Variants in LGR6 observed in about 807,000 individuals in gnomAD.
LGR6 encodes leucine-rich repeat-containing G protein-coupled receptor 6.
In LGR6, 45 loss-of-function variants were observed where a neutral mutation model predicts 69.4. That is an observed-to-expected ratio of 0.65 (90% CI 0.51 to 0.83). LGR6 has a LOEUF of 0.83. Ranked by LOEUF, LGR6 falls within the 40% of genes least tolerant of loss-of-function variation. The pLI is 0.00. For synonymous variants in LGR6, 538 were observed against 555.0 expected (o/e 0.97, Z 0.43); for missense variants, 1,108 against 1,246.7 (o/e 0.89, Z 1.68).
rs144001455 is a variant in LGR6 at position 202,217,821 on chromosome 1, C to A, written c.213-7602C>A. ...AAGAAAGGGCAAAATAAAGCAGTAG[C>A]CCTTTTATTTAAAAATACAGCATTG... On this transcript the variant is annotated intron_variant, in intron 1 of 17. Coordinates refer to ENST00000367278, the MANE Select transcript of LGR6 (RefSeq NM_001017403.2). 2.9e-4 allele frequency among the ~76,000 whole-genome samples: 44 copies of A among 152,292 alleles called. 1 individual carries two copies. The East Asian group carries it at 7.0e-3, about 24-fold the overall frequency.
chr1:202,235,930 A>G lies in LGR6; in HGVS notation c.365A>G (p.Gln122Arg). ...TTTCTCTTCTCCCGTAGGATGCTGCAGAACAATCAGCTGGGAGGAATCCCC... is the reference window on the plus strand; with the variant it reads ...TTTCTCTTCTCCCGTAGGATGCTGCGGAACAATCAGCTGGGAGGAATCCCC... ...GLYSLKILML[Q>R]NNQLGGIPAE... Residue 122 changes from glutamine to arginine, a missense_variant, in exon 4 of 18, where the codon CAG (glutamine) becomes CGG (arginine). By Grantham distance (43) the Gln-to-Arg change is conservative. Coordinates refer to ENST00000367278, the MANE Select transcript of LGR6 (RefSeq NM_001017403.2). 6.2e-7 allele frequency: 1 copy of G among 1,614,062 alleles called. No homozygotes were observed. Among genetic ancestry groups the G allele is most frequent in the Non-Finnish European group, 8.5e-7 (1 of 1,179,990 alleles).
At chr1:202,304,142 T>C (rs1300248611) in intron 10 of LGR6, among the ~76,000 whole-genome samples, 1 of 152,192 alleles carries the variant, frequency 6.6e-6, no homozygotes, top group African/African-American at 2.4e-5. Flanking sequence ...CTGTGTCCCA[T>C]GGTCCCACTA....
intron 15 of LGR6, among the ~76,000 whole-genome samples, chr1:202,309,885 A>T (rs1653575470): frequency 6.6e-6 from 1 of 152,198 alleles, no homozygotes. Flanking sequence ...AGCTTGGGGA[A>T]GCCTCTGCCC....
intron 1 of LGR6, among the ~76,000 whole-genome samples, chr1:202,205,566 TCAAA>T (rs1473470519): frequency 3.1e-5 from 4 of 128,570 alleles, no homozygotes; most frequent in African/African-American, 1.2e-4. Context: ...CACACCTCCT[TCAAA>T]CATACACATA....
At chr1:202,270,669 T>A (rs1045949387) in intron 4 of LGR6, among the ~76,000 whole-genome samples, 9 of 152,216 alleles carry the variant, frequency 5.9e-5, no homozygotes, top group Non-Finnish European at 1.3e-4. Flanking sequence ...CACAGTGTGA[T>A]TCTTAGTGTA....
intron 3 of LGR6, among the ~76,000 whole-genome samples, chr1:202,232,638 A>G (rs1661182664): frequency 6.6e-6 from 1 of 151,590 alleles, no homozygotes; most frequent in African/African-American, 2.4e-5. Context: ...AGCTTGGGCA[A>G]CAAATCAAGA....
At position 202,256,882 on chromosome 1, in the gene LGR6, A is replaced by G. The variant is rs151203068; in HGVS notation, c.429-19424A>G. 4.8e-3 allele frequency among the ~76,000 whole-genome samples: 737 copies of G among 152,234 alleles called. 8 individuals are homozygous for G. The highest frequency in any genetic ancestry group is 0.016 in the African/African-American group (670 of 41,562). On this transcript the variant is annotated intron_variant, in intron 4 of 17. Coordinates refer to ENST00000367278, the MANE Select transcript of LGR6 (RefSeq NM_001017403.2). ...CTCCACATCCTTGCCAACACTTGTTATGTCTTTTTGATTATAGCCATCCTA... is the reference window on the plus strand; with the variant it reads ...CTCCACATCCTTGCCAACACTTGTTGTGTCTTTTTGATTATAGCCATCCTA...
At chr1:202,279,086 A>G (rs1665812094) in intron 5 of LGR6, among the ~76,000 whole-genome samples, 1 of 152,138 alleles carries the variant, frequency 6.6e-6, no homozygotes, top group African/African-American at 2.4e-5. Context: ...GACCTGAGAT[A>G]CTGGGGGAGG....
intron 4 of LGR6, among the ~76,000 whole-genome samples, chr1:202,265,268 A>G (rs983227649): frequency 6.6e-6 from 1 of 152,042 alleles, no homozygotes; most frequent in African/African-American, 2.4e-5. Flanking sequence ...GCTCTCTGTC[A>G]CCATGGGACT....
At chr1:202,256,523 G>A (rs562774268) in intron 4 of LGR6, among the ~76,000 whole-genome samples, 3 of 152,332 alleles carry the variant, frequency 2.0e-5, no homozygotes, top group East Asian at 1.9e-4. Flanking sequence ...GATTACAGGC[G>A]TGAGCCACCG....
rs1664858470 is a variant in LGR6 at position 202,268,577 on chromosome 1, T to G, written c.429-7729T>G. Among the ~76,000 whole-genome samples, 1 of 152,086 alleles carries G rather than the reference T, an allele frequency of 6.6e-6. No individual in the cohort carries two copies. The highest frequency in any genetic ancestry group is 6.5e-5 in the Admixed American group (1 of 15,278). On this transcript the variant is annotated intron_variant, in intron 4 of 17. Transcript: ENST00000367278. This position sits in a 1 kb window ranked among gnomAD's most constrained non-coding sequence, Gnocchi z 4.4. ...TTCTCTATTCTCTCCCTTCCTGTGT[T>G]CAACTGAAAGTCAGCTATGTAGCCA...
Position 202,193,909 on chromosome 1 carries a change from G to C in LGR6, c.-81G>C. 3.2e-6 allele frequency: 3 copies of C among 943,230 alleles called. No homozygotes were observed. In the South Asian group the frequency reaches 8.8e-5, roughly 28 times the overall value. The allele number at this position is 943,230 out of a possible 1,614,324, so 58.4% of individuals were successfully genotyped here. On this transcript the variant is annotated 5_prime_UTR_variant, in exon 1 of 18. Coordinates refer to ENST00000367278, the MANE Select transcript of LGR6 (RefSeq NM_001017403.2). The stretch of plus-strand genomic sequence containing the variant: ...TCCCCACCGACGGTGCAGCCCGCCG[G>C]GACCGGGAGGAAGCAGCTGCGGCCA...
intron 17 of LGR6, among the ~76,000 whole-genome samples, chr1:202,315,654 C>CGTTTTCCA (rs1403514560): frequency 1.3e-5 from 2 of 152,242 alleles, no homozygotes; most frequent in African/African-American, 2.4e-5. Flanking sequence ...GTTCCACCTC[C>CGTTTTCCA]GTTTTCCAGT....
chr1:202,310,221 C>G lies in LGR6; in HGVS notation c.1431C>G (p.Tyr477Ter). Residue 477 changes from tyrosine to a stop codon, truncating the protein, a stop_gained, in exon 16 of 18, where the codon TAC becomes TAG. Transcript: ENST00000367278. LOFTEE classifies it high-confidence loss of function. The part of the protein sequence containing the change: ...KLRILEVPYA[Y>*]QCCPYGMCAS... ...GGATCCTGGAGGTGCCTTATGCCTA[C>G]CAGTGCTGTCCCTATGGGATGTGTG... 1 of 1,614,094 alleles carries G rather than the reference C, an allele frequency of 6.2e-7. No homozygotes were observed. The highest frequency in any genetic ancestry group is 8.5e-7 in the Non-Finnish European group (1 of 1,179,988).
intron 5 of LGR6, among the ~76,000 whole-genome samples, chr1:202,277,226 T>TC (rs1368271231): frequency 6.6e-6 from 1 of 152,214 alleles, no homozygotes; most frequent in Non-Finnish European, 1.5e-5. Context: ...TGTTAGTGAC[T>TC]CTACTGGATG....
intron 6 of LGR6, among the ~76,000 whole-genome samples, chr1:202,281,639 C>T (rs957352520): frequency 6.6e-6 from 1 of 152,024 alleles, no homozygotes. Flanking sequence ...GTACAGGCCT[C>T]GGAGAGGGTC....
chr1:202,209,509 G>C (rs921160352), intron 1 of LGR6, among the ~76,000 whole-genome samples: 1 of 152,238 alleles, frequency 6.6e-6, no homozygotes, highest in African/African-American at 2.4e-5. Flanking sequence ...GTTGATGAGT[G>C]GGGCAGGAGC....
intron 4 of LGR6, among the ~76,000 whole-genome samples, chr1:202,267,882 T>C (rs1664794020): frequency 6.6e-6 from 1 of 152,202 alleles, no homozygotes; most frequent in Admixed American, 6.5e-5. Context: ...TCCTATTGAA[T>C]TGAAGACAAA....
chr1:202,297,897 G>T (rs1161426836), intron 7 of LGR6, among the ~76,000 whole-genome samples: 1 of 152,234 alleles, frequency 6.6e-6, no homozygotes, highest in Non-Finnish European at 1.5e-5. Context: ...CCTTGGTTGG[G>T]ATGTGTCCAG....
Sources: gnomAD v4.1 joint callset for allele counts (sites outside exome capture counted in the v4.1 genomes callset) on GRCh38, gnomAD v4.1.1 for gene constraint, Gnocchi (gnomAD v3.1) non-coding constraint, MANE v1.5 for transcripts, NCBI Gene and HGNC (gene_info 2026-07-23, HGNC 2026-07-21) for gene names.